ZC3H12B: variants seen among roughly 807,000 people sequenced by gnomAD.
The protein encoded by ZC3H12B is probable ribonuclease ZC3H12B.
In ZC3H12B, 7 loss-of-function variants were observed where a neutral mutation model predicts 43.9. The observed-to-expected ratio is 0.16, with a 90% CI of 0.09 to 0.30. The LOEUF (loss-of-function observed/expected upper bound fraction) is 0.30. Among genes scored for constraint, ZC3H12B ranks in the 10% least tolerant of loss-of-function variants. ZC3H12B has a pLI of 1.00. For missense variants in ZC3H12B, 475 were observed against 670.2 expected (o/e 0.71, Z 3.22); for synonymous variants, 222 against 241.7 (o/e 0.92, Z 0.76).
the ZC3H12B span, among the ~76,000 whole-genome samples, chrX:65,040,570 T>G: frequency 1.3e-4 from 14 of 110,016 alleles, no homozygotes; most frequent in African/African-American, 4.6e-4. Context: ...CTAAAATGAG[T>G]GAAGTTTTGA....
At chrX:65,091,015 T>G in the ZC3H12B span, among the ~76,000 whole-genome samples, 1 of 111,304 alleles carries the variant, frequency 9.0e-6, no homozygotes, top group Admixed American at 9.6e-5. Context: ...TCTGAGGCTT[T>G]CCCAGAATCA....
At chrX:65,140,453 T>C in the ZC3H12B span, among the ~76,000 whole-genome samples, 1 of 112,008 alleles carries the variant, frequency 8.9e-6, no homozygotes, top group Admixed American at 9.5e-5. Flanking sequence ...TCACACTTGA[T>C]CTTGATGAAT....
the ZC3H12B span, among the ~76,000 whole-genome samples, chrX:65,114,916 ATTTTTTTTTTTTT>A: frequency 5.2e-5 from 1 of 19,324 alleles, no homozygotes; most frequent in African/African-American, 2.7e-4. Context: ...GTGTCTCAGG[ATTTTTTTTTTTTT>A]TTTTTTTTTT....
the ZC3H12B span, among the ~76,000 whole-genome samples, chrX:65,194,107 G>A: frequency 9.1e-6 from 1 of 109,914 alleles, no homozygotes. Flanking sequence ...CTCCCACCAG[G>A]CCCCAACCTC....
At chrX:65,336,258 C>G in the ZC3H12B span, among the ~76,000 whole-genome samples, 1 of 112,685 alleles carries the variant, frequency 8.9e-6, no homozygotes, top group Non-Finnish European at 1.9e-5. Flanking sequence ...ATAAGAAATT[C>G]ATACCCTTTT....
the ZC3H12B span, among the ~76,000 whole-genome samples, chrX:65,359,384 C>T: frequency 9.0e-6 from 1 of 111,545 alleles, no homozygotes; most frequent in Admixed American, 9.5e-5. Context: ...ATCTGATGAA[C>T]CTGGGAAAAA....
the ZC3H12B span, among the ~76,000 whole-genome samples, chrX:65,074,465 A>G: frequency 1.8e-5 from 2 of 111,427 alleles, no homozygotes; most frequent in Non-Finnish European, 3.8e-5. Flanking sequence ...TTGGTTTCCT[A>G]TTAGTTGGGT....
chrX:65,258,469 T>C, the ZC3H12B span, among the ~76,000 whole-genome samples: 2 of 111,891 alleles, frequency 1.8e-5, no homozygotes, highest in Non-Finnish European at 3.8e-5. Flanking sequence ...TCATACTAAA[T>C]GGCCAAAAGC....
intron 3 of ZC3H12B, among the ~76,000 whole-genome samples, chrX:65,448,636 G>A (rs771986209): frequency 9.0e-6 from 1 of 110,547 alleles, no homozygotes; most frequent in Non-Finnish European, 1.9e-5. Flanking sequence ...GGCCAACATG[G>A]TGAAACCCCA....
chrX:65,054,009 C>T, the ZC3H12B span, among the ~76,000 whole-genome samples: 3 of 97,753 alleles, frequency 3.1e-5, no homozygotes, highest in Non-Finnish European at 6.6e-5. Flanking sequence ...TGAATATTAG[C>T]CCTTTGTCAG....
chrX:65,214,491 ACTT>A, the ZC3H12B span, among the ~76,000 whole-genome samples: 2 of 111,354 alleles, frequency 1.8e-5, no homozygotes, highest in African/African-American at 6.5e-5. Flanking sequence ...CACTTCAAAA[ACTT>A]CTTCATTTTC....
At chrX:65,331,067 G>T in the ZC3H12B span, 121 of 317,776 alleles carry the variant, frequency 3.8e-4, no homozygotes, top group Non-Finnish European at 4.4e-4. Context: ...TCTCTGGAAT[G>T]ATTCAACCCT....
the ZC3H12B span, among the ~76,000 whole-genome samples, chrX:65,160,989 T>A: frequency 9.0e-6 from 1 of 111,379 alleles, no homozygotes; most frequent in East Asian, 2.8e-4. Context: ...TCAAAGAACA[T>A]CTTTATTTCT....
At chrX:65,293,376 G>A in the ZC3H12B span, among the ~76,000 whole-genome samples, 8 of 110,605 alleles carry the variant, frequency 7.2e-5, no homozygotes, top group South Asian at 3.9e-4. Context: ...CCAGATCTTC[G>A]CTCTGACATA....
At chrX:65,160,568 T>C in the ZC3H12B span, among the ~76,000 whole-genome samples, 9 of 112,091 alleles carry the variant, frequency 8.0e-5, 1 homozygote, top group South Asian at 3.3e-3. Context: ...TGTAGTATTC[T>C]CTGATGGTAG....
At chrX:65,241,963 T>C in the ZC3H12B span, among the ~76,000 whole-genome samples, 138 of 111,604 alleles carry the variant, frequency 1.2e-3, no homozygotes, top group Admixed American at 0.012. Flanking sequence ...CTCTGCACAC[T>C]TTTTTGTATT....
the ZC3H12B span, among the ~76,000 whole-genome samples, chrX:65,236,317 T>A: frequency 8.9e-6 from 1 of 112,345 alleles, no homozygotes; most frequent in East Asian, 2.8e-4. Context: ...TTAGCTTTTT[T>A]TTCATATGTT....
chrX:65,344,177 G>A, the ZC3H12B span, among the ~76,000 whole-genome samples: 2 of 112,213 alleles, frequency 1.8e-5, no homozygotes, highest in African/African-American at 6.5e-5. Flanking sequence ...AAAGAAATCA[G>A]AGATGATGCA....
intron 1 of ZC3H12B, among the ~76,000 whole-genome samples, chrX:65,495,742 C>G (rs766498243): frequency 2.6e-3 from 298 of 112,529 alleles, no homozygotes; most frequent in Non-Finnish European, 4.0e-3. Flanking sequence ...CAAATTTTCC[C>G]TCTTCCAATT....
Sources: gnomAD v4.1 joint callset for allele counts (sites outside exome capture counted in the v4.1 genomes callset) on GRCh38, gnomAD v4.1.1 for gene constraint, MANE v1.5 for transcripts, NCBI Gene and HGNC (gene_info 2026-07-23, HGNC 2026-07-21) for gene names.